STK33: variants seen among roughly 807,000 people sequenced by gnomAD.
The protein encoded by STK33 is serine/threonine kinase 33.
STK33 carries 52 observed loss-of-function variants against 58.0 expected under a neutral mutation model. The ratio of observed to expected loss-of-function variants is 0.90; its 90% CI spans 0.72 to 1.13. The LOEUF is 1.13. Ranked by LOEUF, STK33 falls within the 50% of genes most tolerant of loss-of-function variation. STK33 has a pLI of 0.00. For synonymous variants in STK33, 215 were observed against 200.1 expected, an observed-to-expected ratio of 1.07 and a Z score of -0.63; for missense variants, 630 against 604.2, an observed-to-expected ratio of 1.04 and a Z score of -0.45.
At chr11:8,475,843 T>G (rs935815064) in intron 4 of STK33, 2 of 152,214 alleles carry the variant, frequency 1.3e-5, no homozygotes, top group African/African-American at 4.8e-5. Context: ...TTTTATGCTA[T>G]ACCATTTCAG....
intron 1 of STK33, among the ~76,000 whole-genome samples, chr11:8,588,309 T>C (rs1003986249): frequency 1.3e-5 from 2 of 152,198 alleles, no homozygotes; most frequent in Admixed American, 6.5e-5. Flanking sequence ...CTGTTAGCAA[T>C]ATGGAATGTT....
chr11:8,531,254 T>TA (rs1011699107), intron 1 of STK33, among the ~76,000 whole-genome samples: 2 of 152,112 alleles, frequency 1.3e-5, no homozygotes, highest in Admixed American at 6.6e-5. Flanking sequence ...ATTAGGAGTA[T>TA]AAAAAATTCA....
intron 1 of STK33, among the ~76,000 whole-genome samples, chr11:8,483,588 A>G (rs373019286): frequency 6.6e-6 from 1 of 152,310 alleles, no homozygotes; most frequent in East Asian, 1.9e-4. Flanking sequence ...ACCAAATTCA[A>G]CACTAACTCT....
At chr11:8,388,600 T>C (rs949064649), downstream of STK33, among the ~76,000 whole-genome samples, 2 of 152,216 alleles carry the variant, frequency 1.3e-5, no homozygotes, top group Admixed American at 6.5e-5. Context: ...CTTGTAGAGA[T>C]GAAGCGAACA....
intron 1 of STK33, among the ~76,000 whole-genome samples, chr11:8,576,288 G>A (rs1958178999): frequency 6.6e-6 from 1 of 152,180 alleles, no homozygotes; most frequent in African/African-American, 2.4e-5. Context: ...GAACAGTTCA[G>A]GTTCCAAGGT....
At chr11:8,570,557 C>A (rs553408238) in intron 1 of STK33, among the ~76,000 whole-genome samples, 1 of 152,228 alleles carries the variant, frequency 6.6e-6, no homozygotes, top group South Asian at 2.1e-4. Context: ...TGGTGGTATA[C>A]CCACACAATG....
intron 1 of STK33, among the ~76,000 whole-genome samples, chr11:8,488,318 T>C (rs774481457): frequency 2.0e-5 from 3 of 152,050 alleles, no homozygotes; most frequent in Non-Finnish European, 2.9e-5. Context: ...GCTGGAAAAT[T>C]AGATCTCTGT....
chr11:8,372,714 C>A, the STK33 span, among the ~76,000 whole-genome samples: 1 of 152,244 alleles, frequency 6.6e-6, no homozygotes, highest in African/African-American at 2.4e-5. Flanking sequence ...TCCCTGACTG[C>A]CTCAATCTGT....
chr11:8,392,790 G>A, intron 15 of STK33, 80 bp from the exon 16 acceptor site: 1 of 1,475,528 alleles, frequency 6.8e-7, no homozygotes, highest in Non-Finnish European at 9.3e-7. Context: ...CTACAAAGTT[G>A]TCCAGGATTT....
At chr11:8,489,506 C>T (rs996731642) in intron 1 of STK33, among the ~76,000 whole-genome samples, 1 of 152,148 alleles carries the variant, frequency 6.6e-6, no homozygotes, top group Non-Finnish European at 1.5e-5. Flanking sequence ...AATATCATCT[C>T]ATGGTGGAAG....
the STK33 span, among the ~76,000 whole-genome samples, chr11:8,368,466 G>A: frequency 6.6e-6 from 1 of 152,218 alleles, no homozygotes. Context: ...ACCCAGGATG[G>A]GCAGCCTGCC....
At chr11:8,386,675 CT>C in the STK33 span, among the ~76,000 whole-genome samples, 2 of 152,204 alleles carry the variant, frequency 1.3e-5, no homozygotes, top group Non-Finnish European at 2.9e-5. Flanking sequence ...TGGCTGCCCC[CT>C]GAACCAGGAC....
At chr11:8,569,096 G>A (rs749159975) in intron 1 of STK33, among the ~76,000 whole-genome samples, 1 of 152,130 alleles carries the variant, frequency 6.6e-6, no homozygotes, top group South Asian at 2.1e-4. Context: ...ATTTACCAAG[G>A]TTTATTCTAT....
chr11:8,452,030 C>G (rs534327534), intron 11 of STK33, among the ~76,000 whole-genome samples: 1 of 152,200 alleles, frequency 6.6e-6, no homozygotes, highest in African/African-American at 2.4e-5. Context: ...CGGCAAAAAC[C>G]TGTCTCTACT....
intron 1 of STK33, among the ~76,000 whole-genome samples, chr11:8,549,652 T>C (rs1403046940): frequency 6.6e-6 from 1 of 152,166 alleles, no homozygotes; most frequent in East Asian, 1.9e-4. Flanking sequence ...GCTGCTTCAA[T>C]CTCATAACTC....
At chr11:8,345,039 T>C in the STK33 span, among the ~76,000 whole-genome samples, 1 of 152,196 alleles carries the variant, frequency 6.6e-6, no homozygotes, top group Non-Finnish European at 1.5e-5. Context: ...GCTGGTCCAG[T>C]GACTTACCCC....
intron 2 of STK33, among the ~76,000 whole-genome samples, chr11:8,478,187 T>C (rs1949460684): frequency 6.6e-6 from 1 of 152,218 alleles, no homozygotes. Flanking sequence ...ATGTCACTCA[T>C]ATTTTAGAGG....
At chr11:8,494,496 T>G (rs1950891511) in intron 1 of STK33, among the ~76,000 whole-genome samples, 1 of 152,170 alleles carries the variant, frequency 6.6e-6, no homozygotes, top group Non-Finnish European at 1.5e-5. Context: ...GAAGAATCAA[T>G]ATTGTGAAAA....
At chr11:8,423,191 T>TG (rs1695385810) in intron 14 of STK33, among the ~76,000 whole-genome samples, 2 of 151,674 alleles carry the variant, frequency 1.3e-5, no homozygotes, top group South Asian at 4.2e-4. Context: ...TATTTTGTTT[T>TG]TTTTTCAAAG....
Sources: allele counts gnomAD v4.1 joint callset (sites outside exome capture counted in the v4.1 genomes callset), GRCh38; gene constraint gnomAD v4.1.1; transcripts MANE v1.5; gene names NCBI Gene and HGNC (gene_info 2026-07-23, HGNC 2026-07-21).